Variants in ZCCHC14 observed in about 807,000 individuals in gnomAD.
ZCCHC14 encodes zinc finger CCHC domain-containing protein 14.
In ZCCHC14, 16 loss-of-function variants were observed where a neutral mutation model predicts 85.0. That is an observed-to-expected ratio of 0.19 (90% CI 0.13 to 0.29). The LOEUF (loss-of-function observed/expected upper bound fraction) is 0.29, where lower values mean the gene tolerates loss of function less well. Ranked by LOEUF, ZCCHC14 falls within the 10% of genes least tolerant of loss-of-function variation. The pLI is 1.00. For missense variants in ZCCHC14, 1,303 were observed against 1,443.5 expected (o/e 0.90, Z 1.58); for synonymous variants, 775 against 630.7 (o/e 1.23, Z -3.43).
At chr16:87,479,954 T>A (rs902369759) in intron 1 of ZCCHC14, among the ~76,000 whole-genome samples, 36 of 151,732 alleles carry the variant, frequency 2.4e-4, no homozygotes, top group African/African-American at 6.5e-4. Flanking sequence ...TTTTTTTTTT[T>A]AAATAGAGAT....
intron 2 of ZCCHC14, among the ~76,000 whole-genome samples, chr16:87,439,368 T>C (rs1910079553): frequency 6.6e-6 from 1 of 152,058 alleles, no homozygotes; most frequent in Non-Finnish European, 1.5e-5. Context: ...CTCCTGACCT[T>C]GTGATTCACC....
At chr16:87,429,787 A>G (rs1909557577) in intron 3 of ZCCHC14, among the ~76,000 whole-genome samples, 2 of 152,152 alleles carry the variant, frequency 1.3e-5, no homozygotes, top group Admixed American at 1.3e-4. Flanking sequence ...TTCTATTTTT[A>G]CTAGAGAGAG....
intron 2 of ZCCHC14, among the ~76,000 whole-genome samples, chr16:87,451,590 C>T (rs377136252): frequency 6.6e-6 from 1 of 152,184 alleles, no homozygotes; most frequent in Non-Finnish European, 1.5e-5. Context: ...ACATTCTGCT[C>T]GGCATTAGTA....
intron 1 of ZCCHC14, chr16:87,467,554 T>A: frequency 1.9e-6 from 3 of 1,573,284 alleles, no homozygotes; most frequent in Non-Finnish European, 2.6e-6. Flanking sequence ...TTTAATGTCA[T>A]CCCACCAATT....
At chr16:87,427,289 T>C (rs899785922) in intron 3 of ZCCHC14, among the ~76,000 whole-genome samples, 1 of 152,244 alleles carries the variant, frequency 6.6e-6, no homozygotes, top group African/African-American at 2.4e-5. Context: ...CTGGGCCCTC[T>C]GCTGTGCAGG....
At chr16:87,486,983 C>T (rs1912539121) in intron 1 of ZCCHC14, among the ~76,000 whole-genome samples, 1 of 152,174 alleles carries the variant, frequency 6.6e-6, no homozygotes, top group Non-Finnish European at 1.5e-5. Context: ...AAAGGAGAAA[C>T]CAAAAGAAAC....
chr16:87,457,781 A>C (rs1911046998), intron 2 of ZCCHC14, among the ~76,000 whole-genome samples: 1 of 152,204 alleles, frequency 6.6e-6, no homozygotes, highest in Non-Finnish European at 1.5e-5. Context: ...CCTGCACCCA[A>C]CAGAATATTA....
Position 87,419,814 on chromosome 16 carries a change from A to G in ZCCHC14, c.1014T>C (p.Thr338=), listed in dbSNP as rs780868846. 16 of 1,611,836 alleles carry G rather than the reference A, an allele frequency of 9.9e-6. No individual in the cohort carries two copies. The highest frequency in any genetic ancestry group is 1.3e-5 in the African/African-American group (1 of 74,780). ...TCTGAAGCTGCTGTGGGGGAGAGGA[A>G]GTGCTGAGAAACCTCCTGACATGGT... The part of the protein sequence containing the change: ...KNDHVRRFLS[T]SSPPQQLQSP... Residue 338 remains threonine, a synonymous_variant, in exon 6 of 13, where the codon ACT becomes ACC. Coordinates refer to ENST00000671377, the MANE Select transcript of ZCCHC14 (RefSeq NM_015144.3).
At chr16:87,428,241 A>C (rs1163407663) in intron 3 of ZCCHC14, among the ~76,000 whole-genome samples, 1 of 152,230 alleles carries the variant, frequency 6.6e-6, no homozygotes, top group South Asian at 2.1e-4. Flanking sequence ...ACAACGATAC[A>C]TAAAAATTAA....
At chr16:87,449,074 A>G (rs959749526) in intron 2 of ZCCHC14, among the ~76,000 whole-genome samples, 8 of 152,168 alleles carry the variant, frequency 5.3e-5, no homozygotes, top group Admixed American at 3.3e-4. Flanking sequence ...GAGCCACCCC[A>G]GCCACTACGG....
At position 87,412,065 on chromosome 16, in the gene ZCCHC14, CGCCACT is replaced by C. The variant is rs1908483053; in HGVS notation, c.2650_2655del (p.Ser884_Gly885del). The C allele has an allele frequency of 1.9e-6, 3 of 1,611,106 alleles. No homozygotes were observed. Among genetic ancestry groups the C allele is most frequent in the Admixed American group, 1.7e-5 (1 of 60,010 alleles). The stretch of plus-strand genomic sequence containing the variant: ...GGAATGTTTCCTGTGGAGCCGCCAC[CGCCACT>C]GCTGCTATAGAAACTGCTTTCAGGG... On this transcript the variant is annotated inframe_deletion, in exon 12 of 13. Coordinates refer to ENST00000671377, the MANE Select transcript of ZCCHC14 (RefSeq NM_015144.3).
At chr16:87,424,074 A>G (rs1909243251) in intron 3 of ZCCHC14, among the ~76,000 whole-genome samples, 193 bp from the exon 4 acceptor site, 1 of 152,146 alleles carries the variant, frequency 6.6e-6, no homozygotes, top group Non-Finnish European at 1.5e-5. Flanking sequence ...CAGGCCCTCT[A>G]AAGTCTAACT....
At chr16:87,447,997 G>A (rs1317519174) in intron 2 of ZCCHC14, among the ~76,000 whole-genome samples, 1 of 152,100 alleles carries the variant, frequency 6.6e-6, no homozygotes, top group African/African-American at 2.4e-5. Flanking sequence ...GCAGGTATGA[G>A]TGCTCTGGAG....
At chr16:87,434,085 G>C (rs1909795157) in intron 2 of ZCCHC14, among the ~76,000 whole-genome samples, 1 of 152,214 alleles carries the variant, frequency 6.6e-6, no homozygotes, top group Non-Finnish European at 1.5e-5. Context: ...GCACGGGATG[G>C]ACAGCCAGAG....
chr16:87,441,758 C>T (rs759009023), intron 2 of ZCCHC14, among the ~76,000 whole-genome samples: 8 of 152,222 alleles, frequency 5.3e-5, no homozygotes, highest in Non-Finnish European at 1.2e-4. Flanking sequence ...AAAGTTGTTA[C>T]AGCTTTCCTC....
At chr16:87,465,635 G>A (rs1026013446) in intron 1 of ZCCHC14, among the ~76,000 whole-genome samples, 1 of 152,176 alleles carries the variant, frequency 6.6e-6, no homozygotes, top group Non-Finnish European at 1.5e-5. Context: ...GGAGGCCTCT[G>A]CTTCCAAACT....
chr16:87,473,054 T>A (rs754703959), intron 1 of ZCCHC14: 2 of 152,126 alleles, frequency 1.3e-5, no homozygotes, highest in Non-Finnish European at 2.9e-5. Flanking sequence ...ACTCGTAATG[T>A]TAGAAACAGT....
intron 7 of ZCCHC14, among the ~76,000 whole-genome samples, chr16:87,418,253 G>A (rs1048033903): frequency 4.6e-5 from 7 of 152,142 alleles, no homozygotes; most frequent in South Asian, 2.1e-4. Flanking sequence ...AAAGTAAAAC[G>A]CAGAAGGCTG....
chr16:87,456,269 G>A (rs923768859), intron 2 of ZCCHC14, among the ~76,000 whole-genome samples: 19 of 152,092 alleles, frequency 1.2e-4, no homozygotes, highest in African/African-American at 3.6e-4. Context: ...AGTGGCTCAC[G>A]CCTGTAATCC....
Sources: gnomAD v4.1 joint callset for allele counts (sites outside exome capture counted in the v4.1 genomes callset) on GRCh38, gnomAD v4.1.1 for gene constraint, MANE v1.5 for transcripts, NCBI Gene and HGNC (gene_info 2026-07-23, HGNC 2026-07-21) for gene names.